The following ABI3BP variants were observed in gnomAD, a reference collection of about 807,000 sequenced individuals.
ABI3BP encodes target of Nesh-SH3.
ABI3BP carries 216 observed loss-of-function variants against 268.6 expected under a neutral mutation model. The ratio of observed to expected loss-of-function variants is 0.80; its 90% CI spans 0.72 to 0.90. ABI3BP has a LOEUF of 0.90. Ranked by LOEUF, ABI3BP falls within the 40% of genes least tolerant of loss-of-function variation. The pLI, the probability that ABI3BP is intolerant of heterozygous loss-of-function variation, is 0.00. For synonymous variants in ABI3BP, 730 were observed against 730.0 expected, an observed-to-expected ratio of 1.00 and a Z score of 0.00; for missense variants, 2,090 against 2,182.4, an observed-to-expected ratio of 0.96 and a Z score of 0.84.
chr3:100,984,079 C>T (rs2090750021), intron 1 of ABI3BP, among the ~76,000 whole-genome samples: 1 of 151,750 alleles, frequency 6.6e-6, no homozygotes, highest in Non-Finnish European at 1.5e-5. Flanking sequence ...CTTATACATA[C>T]AAATTGTCAA....
chr3:100,890,984 C>CTTTTT (rs35008478), intron 4 of ABI3BP, among the ~76,000 whole-genome samples: 2 of 143,724 alleles, frequency 1.4e-5, no homozygotes, highest in African/African-American at 5.1e-5. Flanking sequence ...AACTGGTCAA[C>CTTTTT]TTTTTTTTTT....
intron 63 of ABI3BP, among the ~76,000 whole-genome samples, chr3:100,758,100 ACAAAC>A (rs2095724550): frequency 6.7e-6 from 1 of 150,346 alleles, no homozygotes; most frequent in South Asian, 2.1e-4. Flanking sequence ...CCCTCCAAAA[ACAAAC>A]AAACAAAAAA....
chr3:100,911,191 G>C (rs2056298350), intron 2 of ABI3BP: 1 of 393,654 alleles, frequency 2.5e-6, no homozygotes. Flanking sequence ...AGCTGGACTA[G>C]CTTCAGGAAT....
At chr3:100,946,892 C>A (rs2072678862) in intron 1 of ABI3BP, among the ~76,000 whole-genome samples, 1 of 152,012 alleles carries the variant, frequency 6.6e-6, no homozygotes. Flanking sequence ...ATAGTTTAGG[C>A]TATACTAATT....
rs114352985 is a variant in ABI3BP, at chr3:100,813,261, G to T, written c.3364+400C>A. ...AATTTTATTATTTTTACTGAAGTGA[G>T]AAATTTCTCCTTCCTTGATGGTCAC... On this transcript the variant is annotated intron_variant, in intron 45 of 67. Coordinates refer to ENST00000471714, the MANE Select transcript of ABI3BP (RefSeq NM_001375547.2). Among the ~76,000 whole-genome samples, 510 of 152,216 alleles carry T rather than the reference G, an allele frequency of 3.4e-3. 1 individual carries two copies. Among genetic ancestry groups the T allele is most frequent in the Non-Finnish European group, 6.5e-3 (443 of 68,000 alleles).
intron 1 of ABI3BP, among the ~76,000 whole-genome samples, chr3:100,955,910 A>G (rs936379826): frequency 5.3e-5 from 8 of 152,164 alleles, no homozygotes; most frequent in African/African-American, 1.7e-4. Flanking sequence ...ATGTGAGGCC[A>G]GGCATGGGGG....
In ABI3BP at chr3:100,778,302, C is replaced by T. The variant is rs1259254322; in HGVS notation, c.4315G>A (p.Gly1439Arg). Residue 1439 changes from glycine to arginine, a missense_variant, in exon 59 of 68, where the codon GGA (glycine) becomes AGA (arginine). Gly to Arg is a moderately radical substitution (Grantham distance 125). Transcript: ENST00000471714. ...AACGTACCTGCACTTCCTGGCTTTCCAGTGACATTATTTGGTGGTAAAGGT... is the reference window on the plus strand; with the variant it reads ...AACGTACCTGCACTTCCTGGCTTTCTAGTGACATTATTTGGTGGTAAAGGT... ...RKPLPPNNVT[G>R]KPGSAGIISS... 6.2e-7 allele frequency: 1 copy of T among 1,613,574 alleles called. No homozygotes were observed. The highest frequency in any genetic ancestry group is 1.7e-5 in the Admixed American group (1 of 59,982).
In ABI3BP at chr3:100,897,603, G is replaced by A. The variant is rs1412383925; in HGVS notation, c.461+1159C>T. Among the ~76,000 whole-genome samples, 3 of 152,128 alleles carry A rather than the reference G, an allele frequency of 2.0e-5. 1 individual carries two copies. The highest frequency in any genetic ancestry group is 4.8e-5 in the African/African-American group (2 of 41,432). ...TCCATTTATATGGAATTCTAGAGTA[G>A]GCAAAACTAATCTATGGTGATAGAA... On this transcript the variant is annotated intron_variant, in intron 4 of 67. Transcript: ENST00000471714.
intron 63 of ABI3BP, among the ~76,000 whole-genome samples, chr3:100,756,512 A>G (rs1411884819): frequency 1.3e-5 from 2 of 152,194 alleles, no homozygotes; most frequent in East Asian, 3.8e-4. Flanking sequence ...CAGAGATTAA[A>G]TTTTTGCTAA....
At position 100,788,625 on chromosome 3, in the gene ABI3BP, A is replaced by C. The variant is rs184348454; in HGVS notation, c.4088-823T>G. 2.0e-3 allele frequency among the ~76,000 whole-genome samples: 305 copies of C among 152,276 alleles called. 1 individual carries two copies. Among genetic ancestry groups the C allele is most frequent in the African/African-American group, 7.0e-3 (290 of 41,572 alleles). On this transcript the variant is annotated intron_variant, in intron 56 of 67. Coordinates refer to ENST00000471714, the MANE Select transcript of ABI3BP (RefSeq NM_001375547.2). ...AAGCTCTCAACACCTATCATGACAC[A>C]CAAAGTCAGAGAGAAATACACATGG...
At chr3:100,841,122 C>G (rs1313123534) in intron 21 of ABI3BP, among the ~76,000 whole-genome samples, 3 of 143,166 alleles carry the variant, frequency 2.1e-5, no homozygotes, top group Non-Finnish European at 4.5e-5. Flanking sequence ...GAACATGTGA[C>G]TGTAATAAAG....
At chr3:100,963,176 T>C (rs562381543) in intron 1 of ABI3BP, among the ~76,000 whole-genome samples, 5 of 152,258 alleles carry the variant, frequency 3.3e-5, no homozygotes, top group African/African-American at 1.2e-4. Context: ...ATTTCCAAGA[T>C]GAGAAATGGA....
intron 1 of ABI3BP, among the ~76,000 whole-genome samples, chr3:100,940,815 T>TAG: frequency 1.3e-5 from 1 of 76,162 alleles, no homozygotes; most frequent in African/African-American, 4.9e-5. Flanking sequence ...TATATATATA[T>TAG]ATATATATAT....
At chr3:100,771,873 T>C (rs2096556194) in intron 61 of ABI3BP, among the ~76,000 whole-genome samples, 1 of 152,038 alleles carries the variant, frequency 6.6e-6, no homozygotes. Context: ...CTTCCAAATA[T>C]GATAAAACTT....
At chr3:100,948,774 A>G (rs2073665451) in intron 1 of ABI3BP, among the ~76,000 whole-genome samples, 1 of 152,152 alleles carries the variant, frequency 6.6e-6, no homozygotes, top group Non-Finnish European at 1.5e-5. Flanking sequence ...CATTTTTCAA[A>G]TTTCAGAATT....
intron 1 of ABI3BP, among the ~76,000 whole-genome samples, chr3:100,973,237 G>A (rs1373302368): frequency 1.3e-5 from 2 of 152,152 alleles, no homozygotes; most frequent in African/African-American, 4.8e-5. Context: ...TCAACAACGT[G>A]TATTAAGTAA....
intron 6 of ABI3BP, among the ~76,000 whole-genome samples, chr3:100,879,191 A>G (rs867319145): frequency 2.0e-5 from 3 of 152,260 alleles, no homozygotes; most frequent in Middle Eastern, 6.8e-3. Context: ...CCCCCTGGTA[A>G]CCACCATTCT....
intron 9 of ABI3BP, among the ~76,000 whole-genome samples, chr3:100,869,875 A>T (rs2099093497): frequency 6.6e-6 from 1 of 152,150 alleles, no homozygotes; most frequent in Non-Finnish European, 1.5e-5. Flanking sequence ...TTTCCATCAC[A>T]GTTGTTTCCT....
At chr3:100,972,212 A>G (rs541541466) in intron 1 of ABI3BP, among the ~76,000 whole-genome samples, 15 of 152,246 alleles carry the variant, frequency 9.9e-5, no homozygotes, top group Non-Finnish European at 2.2e-4. Context: ...TTAAAGTGAG[A>G]TAATTGTGTG....
Sources: allele counts gnomAD v4.1 joint callset (sites outside exome capture counted in the v4.1 genomes callset), GRCh38; gene constraint gnomAD v4.1.1; transcripts MANE v1.5; gene names NCBI Gene and HGNC (gene_info 2026-07-23, HGNC 2026-07-21).